Variants in CHMP5 observed in about 807,000 individuals in gnomAD.
CHMP5 encodes charged multivesicular body protein 5, also known as SNF7 domain containing 2.
In CHMP5, 17 loss-of-function variants were observed where a neutral mutation model predicts 33.0. The observed-to-expected ratio is 0.52, with a 90% CI of 0.35 to 0.77. The LOEUF (loss-of-function observed/expected upper bound fraction) is 0.77. CHMP5 is among the 30% of genes least tolerant of loss of function. CHMP5 has a pLI of 0.01. For synonymous variants in CHMP5, 76 were observed against 90.2 expected (o/e 0.84, Z 0.89); for missense variants, 216 against 261.5 (o/e 0.83, Z 1.20).
At position 33,281,031 on chromosome 9, in the gene CHMP5, T is replaced by TG. The variant is rs1319549238; in HGVS notation, c.*173dup. 6.5e-6 allele frequency: 3 copies of TG among 464,332 alleles called. No individual in the cohort carries two copies. Among genetic ancestry groups the TG allele is most frequent in the African/African-American group, 4.0e-5 (2 of 49,500 alleles). 28.8% of individuals were successfully genotyped at this position (464,332 alleles called of 1,614,324 possible). A position where few individuals can be genotyped will look rare whatever the true frequency, so the allele number is the denominator to read the frequency against. On this transcript the variant is annotated 3_prime_UTR_variant, in exon 8 of 8. Transcript: ENST00000223500. ...ATTAAGAGACTCATTGCTTGGGAAATGCTTTCTTCGTACTAAAATTTGATT... is the reference window on the plus strand; with the variant it reads ...ATTAAGAGACTCATTGCTTGGGAAATGGCTTTCTTCGTACTAAAATTTGATT...
intron 7 of CHMP5, among the ~76,000 whole-genome samples, chr9:33,279,726 G>T (rs1820899394): frequency 6.6e-6 from 1 of 151,908 alleles, no homozygotes; most frequent in African/African-American, 2.4e-5. Flanking sequence ...AGCTGGGCGT[G>T]GTGGCAGGCT....
chr9:33,271,289 A>G (rs113615066), intron 5 of CHMP5, 66 bp downstream of exon 5: 3 of 1,288,918 alleles, frequency 2.3e-6, no homozygotes, highest in African/African-American at 1.5e-5. Flanking sequence ...ACGAGTGTGC[A>G]TGTGATAGGA....
At chr9:33,267,785 A>G (rs1199580289) in intron 2 of CHMP5, 68 bp from the exon 3 acceptor site, 2 of 1,003,978 alleles carry the variant, frequency 2.0e-6, no homozygotes, top group African/African-American at 3.2e-5. Flanking sequence ...GTTTGAGGCT[A>G]TGGGAAATTT....
chr9:33,271,096 A>G (rs1385282315), intron 4 of CHMP5, 56 bp from the exon 5 acceptor site: 3 of 1,307,958 alleles, frequency 2.3e-6, no homozygotes, highest in Admixed American at 3.6e-5. Context: ...ATAAATAAAG[A>G]CAATTTAACC....
chr9:33,267,495 G>A (rs1457507990), intron 2 of CHMP5, among the ~76,000 whole-genome samples: 1 of 152,214 alleles, frequency 6.6e-6, no homozygotes, highest in Non-Finnish European at 1.5e-5. Flanking sequence ...AGGTTCAGGA[G>A]TTTGGAATTG....
intron 5 of CHMP5, among the ~76,000 whole-genome samples, chr9:33,272,913 T>TA (rs1469966683): frequency 2.2e-4 from 33 of 152,250 alleles, no homozygotes; most frequent in African/African-American, 7.7e-4. Flanking sequence ...TACATGGAAT[T>TA]AAACTTTGTG....
chr9:33,276,325 T>G (rs1820853985), intron 5 of CHMP5, 131 bp from the exon 6 acceptor site: 2 of 588,882 alleles, frequency 3.4e-6, no homozygotes, highest in Admixed American at 6.4e-5. Flanking sequence ...ACTGTTTATG[T>G]GCTTGGCATT....
intron 1 of CHMP5, 31 bp from the exon 2 acceptor site, chr9:33,265,979 A>G: frequency 7.1e-7 from 1 of 1,413,890 alleles, no homozygotes. Flanking sequence ...TATTGCAGTA[A>G]CTACCAGTGC....
At chr9:33,275,406 G>T (rs947373280) in intron 5 of CHMP5, among the ~76,000 whole-genome samples, 3 of 152,156 alleles carry the variant, frequency 2.0e-5, no homozygotes, top group Non-Finnish European at 4.4e-5. Flanking sequence ...TCTTGGCTGT[G>T]ACACCTATCC....
chr9:33,280,625 C>G (rs1165885726), intron 7 of CHMP5, among the ~76,000 whole-genome samples, 184 bp from the exon 8 acceptor site: 1 of 152,190 alleles, frequency 6.6e-6, no homozygotes, highest in Non-Finnish European at 1.5e-5. Context: ...TTCTAGTTCT[C>G]TTCTTGATTC....
chr9:33,265,275 C>T (rs1478451239), intron 1 of CHMP5, 128 bp downstream of exon 1: 2 of 826,454 alleles, frequency 2.4e-6, no homozygotes, highest in African/African-American at 1.7e-5. Context: ...TCGTCCCTCT[C>T]TATCTCACCT....
At position 33,280,885 on chromosome 9, in the gene CHMP5, T is replaced by C; in HGVS notation, c.*26T>C. The C allele has an allele frequency of 6.3e-7, 1 of 1,585,388 alleles. No homozygotes were observed. Among genetic ancestry groups the C allele is most frequent in the Non-Finnish European group, 8.6e-7 (1 of 1,161,742 alleles). On this transcript the variant is annotated 3_prime_UTR_variant, in exon 8 of 8. Coordinates refer to ENST00000223500, the MANE Select transcript of CHMP5 (RefSeq NM_016410.6). ...ATTTGCATCATTCAAGCATATCTTG[T>C]AAAACAAACACATATTATGGGACTA...
chr9:33,273,759 A>G (rs1300745698), intron 5 of CHMP5, among the ~76,000 whole-genome samples: 1 of 151,526 alleles, frequency 6.6e-6, no homozygotes, highest in Non-Finnish European at 1.5e-5. Context: ...TTTATACAAT[A>G]GAGAACCAGT....
intron 7 of CHMP5, among the ~76,000 whole-genome samples, chr9:33,278,495 C>T (rs1820881522): frequency 6.6e-6 from 1 of 152,162 alleles, no homozygotes; most frequent in Non-Finnish European, 1.5e-5. Flanking sequence ...GCACTGGGTA[C>T]CATTGATGGG....
At chr9:33,265,456 C>T (rs987279759) in intron 1 of CHMP5, among the ~76,000 whole-genome samples, 1 of 152,172 alleles carries the variant, frequency 6.6e-6, no homozygotes, top group African/African-American at 2.4e-5. Flanking sequence ...CCCATACACC[C>T]TTCCCACCTC....
intron 5 of CHMP5, among the ~76,000 whole-genome samples, chr9:33,272,461 C>T (rs1482915352): frequency 2.0e-5 from 3 of 151,220 alleles, no homozygotes; most frequent in Non-Finnish European, 4.4e-5. Flanking sequence ...AAATACCAGG[C>T]ATTTTATTGC....
Position 33,281,105 on chromosome 9 carries a change from C to A in CHMP5, c.*246C>A. ...ACTCAGTTTAAAAGTATTTTTAGCT[C>A]GTATGACTTGTTTTCATTCATTAAT... On this transcript the variant is annotated 3_prime_UTR_variant, in exon 8 of 8. Coordinates refer to ENST00000223500, the MANE Select transcript of CHMP5 (RefSeq NM_016410.6). The A allele has an allele frequency of 2.5e-6, 1 of 401,288 alleles. No individual in the cohort carries two copies. The highest frequency in any genetic ancestry group is 5.9e-5 in the South Asian group (1 of 16,944). 24.9% of individuals were successfully genotyped at this position (401,288 alleles called of 1,614,324 possible). A position where few individuals can be genotyped will look rare whatever the true frequency, so the allele number is the denominator to read the frequency against.
At position 33,276,520 on chromosome 9, in the gene CHMP5, G is replaced by A. The variant is rs746117380; in HGVS notation, c.452G>A (p.Arg151His). 6.8e-6 allele frequency: 11 copies of A among 1,610,400 alleles called. No individual in the cohort carries two copies. Among genetic ancestry groups the A allele is most frequent in the East Asian group, 4.5e-5 (2 of 44,798 alleles). Residue 151 changes from arginine (R) to histidine (H), a missense_variant, in exon 6 of 8, where the codon CGC becomes CAC. Arg to His is a conservative substitution (Grantham distance 29). Coordinates refer to ENST00000223500, the MANE Select transcript of CHMP5 (RefSeq NM_016410.6). ...AATGAAATCCAAGAAGCACTGAGTC[G>A]CAGTTATGGCACCCCAGAACTGGAT... ...DANEIQEALS[R>H]SYGTPELDED...
intron 5 of CHMP5, among the ~76,000 whole-genome samples, chr9:33,273,424 G>A (rs1040115180): frequency 1.3e-5 from 2 of 152,070 alleles, no homozygotes. Flanking sequence ...ATGTCTCTTC[G>A]TCTTTCACCT....
Sources: gnomAD v4.1 joint callset for allele counts (sites outside exome capture counted in the v4.1 genomes callset) on GRCh38, gnomAD v4.1.1 for gene constraint, MANE v1.5 for transcripts, NCBI Gene and HGNC (gene_info 2026-07-23, HGNC 2026-07-21) for gene names.